The following SLC18A1 variants were observed in gnomAD, a reference collection of about 807,000 sequenced individuals.
SLC18A1 encodes chromaffin granule amine transporter.
In SLC18A1, 69 loss-of-function variants were observed where a neutral mutation model predicts 53.7. That is an observed-to-expected ratio of 1.28 (90% CI 1.06 to 1.57). The LOEUF is 1.57. Among genes scored for constraint, SLC18A1 ranks in the 40% most tolerant of loss-of-function variants. The pLI, the probability that SLC18A1 is intolerant of heterozygous loss-of-function variation, is 0.00. For synonymous variants in SLC18A1, 320 were observed against 248.1 expected, an observed-to-expected ratio of 1.29 and a Z score of -2.72; for missense variants, 932 against 668.1, an observed-to-expected ratio of 1.40 and a Z score of -4.35.
chr8:20,154,077 C>T (rs138478377), intron 10 of SLC18A1, among the ~76,000 whole-genome samples: 3 of 152,206 alleles, frequency 2.0e-5, no homozygotes, highest in Non-Finnish European at 4.4e-5. Context: ...CTCCTGAGGC[C>T]CTCACCAGAG....
At chr8:20,166,239 G>A (rs68000788) in intron 8 of SLC18A1, among the ~76,000 whole-genome samples, 37,445 of 138,788 alleles carry the variant, frequency 0.27, 6,319 homozygotes, top group Non-Finnish European at 0.37. Context: ...AAAATATGGC[G>A]CACACACTAT....
intron 4 of SLC18A1, among the ~76,000 whole-genome samples, chr8:20,177,368 A>G (rs1354931241): frequency 6.6e-6 from 1 of 152,174 alleles, no homozygotes; most frequent in Non-Finnish European, 1.5e-5. Context: ...GGAAGACAGA[A>G]AGTAGACAAG....
rs1327397336 is a variant in SLC18A1, at chr8:20,179,346, T to C, written c.263A>G (p.Asn88Ser). ...FSTIFSFFNN[N>S]TVAVEESVPS... ...TACGCTTTCTTCAACAGCCACGGTG[T>C]TGTTGTTGAAGAAGGAGAAGATGGT... Residue 88 changes from asparagine to serine, a missense_variant, in exon 3 of 16, where the codon AAC becomes AGC. Coordinates refer to ENST00000276373, the MANE Select transcript of SLC18A1 (RefSeq NM_003053.4). 2 of 1,612,946 alleles carry C rather than the reference T, an allele frequency of 1.2e-6. No homozygotes were observed. Among genetic ancestry groups the C allele is most frequent in the East Asian group, 2.2e-5 (1 of 44,864 alleles).
At chr8:20,182,273 T>C (rs981186012) in intron 1 of SLC18A1, among the ~76,000 whole-genome samples, 1 of 152,340 alleles carries the variant, frequency 6.6e-6, no homozygotes, top group Middle Eastern at 3.4e-3. Flanking sequence ...AATGATCAAT[T>C]GCAGAATTAT....
intron 1 of SLC18A1, chr8:20,181,938 G>C (rs2072439224): frequency 6.6e-6 from 1 of 152,170 alleles, no homozygotes; most frequent in South Asian, 2.1e-4. Context: ...CCCCTGATCA[G>C]AAAGATGCCT....
intron 2 of SLC18A1, 41 bp downstream of exon 2, chr8:20,180,800 C>G: frequency 1.9e-6 from 3 of 1,610,750 alleles, no homozygotes. Context: ...TGCTGGGGCC[C>G]ACAGCAAATT....
intron 10 of SLC18A1, among the ~76,000 whole-genome samples, chr8:20,161,022 T>C (rs971058608): frequency 4.6e-5 from 7 of 152,218 alleles, no homozygotes; most frequent in African/African-American, 1.7e-4. Flanking sequence ...CACTGTTGCA[T>C]TGGGGATTAA....
intron 1 of SLC18A1, among the ~76,000 whole-genome samples, chr8:20,182,566 T>C: frequency 6.6e-6 from 1 of 152,350 alleles, no homozygotes; most frequent in East Asian, 1.9e-4. Context: ...GAGCTACTTT[T>C]GTAATTAAAG....
At chr8:20,150,812 A>G in intron 10 of SLC18A1, 68 bp from the exon 11 acceptor site, 1 of 1,357,558 alleles carries the variant, frequency 7.4e-7, no homozygotes, top group Non-Finnish European at 1.1e-6. Flanking sequence ...TGTCTCGTAC[A>G]AGACACTGAA....
At chr8:20,149,598 CT>C (rs1476190922) in intron 12 of SLC18A1, 77 bp downstream of exon 12, 9 of 1,147,700 alleles carry the variant, frequency 7.8e-6, no homozygotes, top group Non-Finnish European at 1.0e-5. Flanking sequence ...CCCTCTCTCT[CT>C]CTCTCTCTCT....
chr8:20,162,788 G>C (rs1215965369), intron 10 of SLC18A1, among the ~76,000 whole-genome samples: 2 of 152,144 alleles, frequency 1.3e-5, no homozygotes, highest in African/African-American at 4.8e-5. Flanking sequence ...AAAAGATTCA[G>C]ACTTTCTCTA....
intron 13 of SLC18A1, 111 bp downstream of exon 13, chr8:20,147,896 G>T (rs1288383141): frequency 6.9e-7 from 1 of 1,444,006 alleles, no homozygotes; most frequent in Non-Finnish European, 9.5e-7. Context: ...CTGCCCTCCT[G>T]ATCCTTCTGC....
intron 8 of SLC18A1, among the ~76,000 whole-genome samples, chr8:20,170,751 G>A (rs916619145): frequency 1.3e-5 from 2 of 149,686 alleles, no homozygotes; most frequent in African/African-American, 4.9e-5. Context: ...ATAATTACAT[G>A]TGTGTGTGCA....
intron 8 of SLC18A1, among the ~76,000 whole-genome samples, chr8:20,169,037 G>A (rs1461009753): frequency 6.6e-6 from 1 of 152,130 alleles, no homozygotes; most frequent in Non-Finnish European, 1.5e-5. Flanking sequence ...TAGTTACAAG[G>A]TGAAGAAGTA....
intron 12 of SLC18A1, among the ~76,000 whole-genome samples, chr8:20,148,668 C>G (rs985269961): frequency 6.6e-6 from 1 of 152,164 alleles, no homozygotes; most frequent in Non-Finnish European, 1.5e-5. Context: ...CCCTTCTTCC[C>G]TCTTTTTCAG....
intron 8 of SLC18A1, among the ~76,000 whole-genome samples, 176 bp from the exon 9 acceptor site, chr8:20,165,283 G>A (rs761553180): frequency 6.6e-6 from 1 of 152,196 alleles, no homozygotes; most frequent in Non-Finnish European, 1.5e-5. Flanking sequence ...ATGCCACAGA[G>A]GAAGCTGGAG....
At chr8:20,152,055 GTTGGGGAAGGCTTCT>G (rs556524455) in intron 10 of SLC18A1, among the ~76,000 whole-genome samples, 2 of 152,298 alleles carry the variant, frequency 1.3e-5, no homozygotes, top group African/African-American at 4.8e-5. Flanking sequence ...GGATTTCAGG[GTTGGGGAAGGCTTCT>G]TTGGGGAAGT....
rs769296239 is a variant in SLC18A1, at chr8:20,178,578, A to G, written c.489-85T>C. Reference sequence around the variant, plus strand: ...TACATTTTTAAATGTAAGTGGGAGCAGAAATGCAGCTATTTGGGTGTATGG... The same window carrying G: ...TACATTTTTAAATGTAAGTGGGAGCGGAAATGCAGCTATTTGGGTGTATGG... On this transcript the variant is annotated intron_variant, in intron 3 of 15. Coordinates refer to ENST00000276373, the MANE Select transcript of SLC18A1 (RefSeq NM_003053.4). 9 of 1,018,468 alleles carry G rather than the reference A, an allele frequency of 8.8e-6. 1 individual carries two copies. The highest frequency in any genetic ancestry group is 1.3e-5 in the Non-Finnish European group (9 of 676,874). 63.1% of individuals were successfully genotyped at this position (1,018,468 alleles called of 1,614,324 possible). A position where few individuals can be genotyped will look rare whatever the true frequency, so the allele number is the denominator to read the frequency against.
At chr8:20,179,002 C>T (rs1480115109) in intron 3 of SLC18A1, 119 bp downstream of exon 3, 2 of 1,220,528 alleles carry the variant, frequency 1.6e-6, no homozygotes, top group Non-Finnish European at 2.3e-6. Flanking sequence ...GAATAGCTGA[C>T]TCCCCTGAGG....
Sources: allele counts gnomAD v4.1 joint callset (sites outside exome capture counted in the v4.1 genomes callset), GRCh38; gene constraint gnomAD v4.1.1; transcripts MANE v1.5; gene names NCBI Gene and HGNC (gene_info 2026-07-23, HGNC 2026-07-21).